The following RPS6KA3 variants were observed in gnomAD, a reference collection of about 807,000 sequenced individuals.
The protein encoded by RPS6KA3 is ribosomal protein S6 kinase alpha-3.
A neutral mutation model predicts 67.2 loss-of-function variants in RPS6KA3; 4 were observed. That is an observed-to-expected ratio of 0.06 (90% CI 0.03 to 0.14). The LOEUF is 0.14. RPS6KA3 is among the 10% of genes least tolerant of loss of function. The pLI is 1.00. For missense variants in RPS6KA3, 204 were observed against 559.0 expected (o/e 0.36, Z 6.40); for synonymous variants, 182 against 183.7 (o/e 0.99, Z 0.07).
Position 20,150,469 on chromosome X carries a change from A to C in RPS6KA3, c.*4929T>G, listed in dbSNP as rs2148614127. 8.9e-6 allele frequency: 1 copy of C among 112,806 alleles called. No homozygotes were observed. Among genetic ancestry groups the C allele is most frequent in the East Asian group, 2.8e-4 (1 of 3,609 alleles). The allele number at this position is 112,806 out of a possible 1,213,427, so 9.3% of individuals were successfully genotyped here. On this transcript the variant is annotated 3_prime_UTR_variant, in exon 22 of 22. Transcript: ENST00000379565. Reference sequence around the variant, plus strand: ...TTTAAGAGTTAAAAACTCATCACCCATAATCAATAAGGATGCTAAGGAATG... The same window carrying C: ...TTTAAGAGTTAAAAACTCATCACCCCTAATCAATAAGGATGCTAAGGAATG...
chrX:20,229,411 C>T (rs1445974731), intron 2 of RPS6KA3, among the ~76,000 whole-genome samples: 1 of 111,896 alleles, frequency 8.9e-6, no homozygotes, highest in African/African-American at 3.3e-5. Flanking sequence ...AGCTTAGAAG[C>T]AGATCCTTCC....
At chrX:20,229,362 A>G (rs771900153) in intron 2 of RPS6KA3, among the ~76,000 whole-genome samples, 1 of 112,223 alleles carries the variant, frequency 8.9e-6, no homozygotes, top group East Asian at 2.8e-4. Context: ...ATTATCTCAC[A>G]GTTTTGGTGG....
intron 2 of RPS6KA3, among the ~76,000 whole-genome samples, chrX:20,222,765 A>T (rs1186830965): frequency 8.9e-6 from 1 of 112,046 alleles, no homozygotes; most frequent in African/African-American, 3.2e-5. Flanking sequence ...TAATAACAGC[A>T]GCCAGAATAA....
intron 10 of RPS6KA3, 84 bp downstream of exon 10, chrX:20,186,212 G>T (rs2067977233): frequency 9.0e-6 from 6 of 667,078 alleles, no homozygotes; most frequent in Non-Finnish European, 1.5e-5. Context: ...AAAGTGCTGG[G>T]ATTACAGGCA....
chrX:20,249,138 T>C (rs181703491), intron 1 of RPS6KA3, among the ~76,000 whole-genome samples: 128 of 112,436 alleles, frequency 1.1e-3, no homozygotes, highest in African/African-American at 4.1e-3. Flanking sequence ...GTTGTGTGTA[T>C]CGACAATTCA....
At chrX:20,194,136 T>C (rs761088090) in intron 6 of RPS6KA3, 53 bp downstream of exon 6, 1 of 745,624 alleles carries the variant, frequency 1.3e-6, no homozygotes, top group South Asian at 2.2e-5. Flanking sequence ...AACAAAGCTT[T>C]AGTTCAAACA....
In RPS6KA3 at chrX:20,207,806, G is replaced by A. The variant is rs778179080; in HGVS notation, c.243+1482C>T. On this transcript the variant is annotated intron_variant, in intron 3 of 21. Coordinates refer to ENST00000379565, the MANE Select transcript of RPS6KA3 (RefSeq NM_004586.3). ...AAGCATCCTTTTGGGTTCAAAAGAG[G>A]TTAACAACTGTAACAAATTACCTAT... Among the ~76,000 whole-genome samples, 3 of 112,058 alleles carry A rather than the reference G, an allele frequency of 2.7e-5. No individual in the cohort carries two copies. In the South Asian group the frequency reaches 1.1e-3, roughly 42 times the overall value.
At chrX:20,247,604 G>T (rs2069728499) in intron 1 of RPS6KA3, among the ~76,000 whole-genome samples, 2 of 109,859 alleles carry the variant, frequency 1.8e-5, no homozygotes, top group South Asian at 7.6e-4. Flanking sequence ...GGCTAACACG[G>T]TGAAACCCCG....
intron 2 of RPS6KA3, among the ~76,000 whole-genome samples, chrX:20,219,179 G>C (rs1174715937): frequency 8.9e-6 from 1 of 111,811 alleles, no homozygotes; most frequent in East Asian, 2.8e-4. Context: ...TGAAACAAAC[G>C]TTATTATTTT....
At chrX:20,231,791 A>T (rs1340522431) in intron 2 of RPS6KA3, among the ~76,000 whole-genome samples, 1 of 111,486 alleles carries the variant, frequency 9.0e-6, no homozygotes, top group Non-Finnish European at 1.9e-5. Context: ...AAACAGAGAG[A>T]TCATCTGATG....
Position 20,154,984 on chromosome X carries a change from A to G in RPS6KA3, c.*414T>C. 4 of 227,887 alleles carry G rather than the reference A, an allele frequency of 1.8e-5. No homozygotes were observed. In the South Asian group the frequency reaches 2.2e-4, roughly 12 times the overall value. The allele number at this position is 227,887 out of a possible 1,213,427, so 18.8% of individuals were successfully genotyped here. A position where few individuals can be genotyped will look rare whatever the true frequency, so the allele number is the denominator to read the frequency against. On this transcript the variant is annotated 3_prime_UTR_variant, in exon 22 of 22. Transcript: ENST00000379565. The stretch of plus-strand genomic sequence containing the variant: ...ATGGCACAAGGGATACAGTGCTAAT[A>G]TAAACGGATTGTTTAAGCTAAGTGC...
intron 1 of RPS6KA3, among the ~76,000 whole-genome samples, chrX:20,255,136 T>A (rs1179558948): frequency 8.9e-6 from 1 of 112,221 alleles, no homozygotes; most frequent in Non-Finnish European, 1.9e-5. Context: ...ATCCATAAAA[T>A]AGATTATTCA....
At chrX:20,247,508 C>T (rs939004178) in intron 1 of RPS6KA3, among the ~76,000 whole-genome samples, 6 of 109,967 alleles carry the variant, frequency 5.5e-5, no homozygotes, top group African/African-American at 2.0e-4. Context: ...AATCTGAGGC[C>T]GGGCGCGGTG....
rs1381691202 is a variant in RPS6KA3, at chrX:20,150,174, A to G, written c.*5224T>C. The G allele has an allele frequency of 1.8e-5, 2 of 113,746 alleles. No homozygotes were observed. The highest frequency in any genetic ancestry group is 6.4e-5 in the African/African-American group (2 of 31,306). The allele number at this position is 113,746 out of a possible 1,213,427, so 9.4% of individuals were successfully genotyped here. A position where few individuals can be genotyped will look rare whatever the true frequency, so the allele number is the denominator to read the frequency against. ...AATGCCAAGCATCTGATGCGATTTA[A>G]CCACCAACAAAAGGTACAATATGTA... On this transcript the variant is annotated 3_prime_UTR_variant, in exon 22 of 22. Coordinates refer to ENST00000379565, the MANE Select transcript of RPS6KA3 (RefSeq NM_004586.3).
At chrX:20,170,201 CTAATA>C (rs1401287643) in intron 15 of RPS6KA3, among the ~76,000 whole-genome samples, 1 of 112,064 alleles carries the variant, frequency 8.9e-6, no homozygotes, top group Non-Finnish European at 1.9e-5. Flanking sequence ...ATCTGCTCAA[CTAATA>C]TTATATAAAA....
intron 19 of RPS6KA3, 112 bp downstream of exon 19, chrX:20,162,852 A>G (rs2067340050): frequency 3.4e-6 from 2 of 589,794 alleles, no homozygotes; most frequent in East Asian, 6.7e-5. Context: ...GTCTCTAAAG[A>G]AAAAGCAAAC....
intron 20 of RPS6KA3, among the ~76,000 whole-genome samples, chrX:20,157,133 GTAGATGCA>G (rs1337093694): frequency 8.9e-6 from 1 of 111,960 alleles, no homozygotes; most frequent in Non-Finnish European, 1.9e-5. Flanking sequence ...TGCATGCAAT[GTAGATGCA>G]TATAATCACT....
chrX:20,219,099 T>G (rs745493912), intron 2 of RPS6KA3: 6 of 293,771 alleles, frequency 2.0e-5, no homozygotes, highest in Non-Finnish European at 6.0e-6. Flanking sequence ...ACAGATTTGC[T>G]GATAGCCAAA....
chrX:20,223,331 C>G (rs1485249144), intron 2 of RPS6KA3, among the ~76,000 whole-genome samples: 1 of 111,310 alleles, frequency 9.0e-6, no homozygotes, highest in African/African-American at 3.3e-5. Flanking sequence ...TTAAAGACCA[C>G]AGAGTGATCT....
Sources: gnomAD v4.1 joint callset for allele counts (sites outside exome capture counted in the v4.1 genomes callset) on GRCh38, gnomAD v4.1.1 for gene constraint, MANE v1.5 for transcripts, NCBI Gene and HGNC (gene_info 2026-07-23, HGNC 2026-07-21) for gene names.